The following LDOC1 variants were observed in gnomAD, a reference collection of about 807,000 sequenced individuals.
LDOC1 encodes LDOC1 regulator of NFKB signaling, also known as protein LDOC1.
Under a neutral mutation model 4.9 loss-of-function variants are expected in LDOC1, and 1 was observed. That is an observed-to-expected ratio of 0.20 (90% CI 0.07 to 0.96). LDOC1 has a LOEUF of 0.96. Ranked by LOEUF, LDOC1 falls within the 40% of genes least tolerant of loss-of-function variation. The pLI is 0.62. For synonymous variants in LDOC1, 55 were observed against 58.3 expected (o/e 0.94, Z 0.26); for missense variants, 76 against 128.1 (o/e 0.59, Z 1.96).
At position 141,174,304 on chromosome X, in the gene LDOC1, C is replaced by G. The variant is rs1181629268; in HGVS notation, c.*2277G>C. The stretch of plus-strand genomic sequence containing the variant: ...GCCCCAGATCTCATTTCCACCCAAG[C>G]CTCAGCCTCTTTTATTAAGTCATAC... On this transcript the variant is annotated 3_prime_UTR_variant, in exon 1 of 1. Transcript: ENST00000370526. 4.5e-5 allele frequency among the ~76,000 whole-genome samples: 5 copies of G among 111,130 alleles called. No homozygotes were observed. Among genetic ancestry groups the G allele is most frequent in the African/African-American group, 1.6e-4 (5 of 30,535 alleles).
In LDOC1 at chrX:141,177,099, G is replaced by C. The variant is rs1434646214; in HGVS notation, c.-78C>G. 2 of 982,147 alleles carry C rather than the reference G, an allele frequency of 2.0e-6. No homozygotes were observed. Among genetic ancestry groups the C allele is most frequent in the Non-Finnish European group, 2.7e-6 (2 of 749,705 alleles). The allele number at this position is 982,147 out of a possible 1,213,427, so 80.9% of individuals were successfully genotyped here. A position where few individuals can be genotyped will look rare whatever the true frequency, so the allele number is the denominator to read the frequency against. On this transcript the variant is annotated 5_prime_UTR_variant, in exon 1 of 1. Coordinates refer to ENST00000370526, the MANE Select transcript of LDOC1 (RefSeq NM_012317.4). ...CGCACGGAGCCCTCGCAGGAAGTGCGTGTCCACGGAGGCGCTTGGTGGCCA... is the reference window on the plus strand; with the variant it reads ...CGCACGGAGCCCTCGCAGGAAGTGCCTGTCCACGGAGGCGCTTGGTGGCCA...
At position 141,173,262 on chromosome X, in the gene LDOC1, T is replaced by A. The variant is rs1382227481; in HGVS notation, c.*3319A>T. The A allele has an allele frequency of 8.9e-6, 1 of 112,050 alleles. No individual in the cohort carries two copies. Among genetic ancestry groups the A allele is most frequent in the Non-Finnish European group, 1.9e-5 (1 of 53,256 alleles). 9.2% of individuals were successfully genotyped at this position (112,050 alleles called of 1,213,427 possible). On this transcript the variant is annotated 3_prime_UTR_variant, in exon 1 of 1. Coordinates refer to ENST00000370526, the MANE Select transcript of LDOC1 (RefSeq NM_012317.4). Reference sequence around the variant, plus strand: ...TATTGGTATATTTAATACGATTAAATGATTACGACATTTAATATGACTAAT... The same window carrying A: ...TATTGGTATATTTAATACGATTAAAAGATTACGACATTTAATATGACTAAT...
At position 141,176,826 on chromosome X, in the gene LDOC1, C is replaced by G; in HGVS notation, c.196G>C (p.Glu66Gln). ...TFNGESSRLP[E>Q]FIVQTASYML... ...TAAGACGCCGTCTGCACGATAAACT[C>G]GGGGAGCCGGGAGCTCTCGCCATTA... Residue 66 changes from glutamate to glutamine, a missense_variant, in exon 1 of 1, where the codon GAG becomes CAG. Transcript: ENST00000370526. The G allele has an allele frequency of 8.3e-7, 1 of 1,211,817 alleles. No individual in the cohort carries two copies. The highest frequency in any genetic ancestry group is 1.8e-5 in the South Asian group (1 of 56,970).
chrX:141,176,976 G>A lies in LDOC1; in HGVS notation c.46C>T (p.His16Tyr), dbSNP rs2013623780. 1.7e-6 allele frequency: 2 copies of A among 1,209,805 alleles called. No individual in the cohort carries two copies. Among genetic ancestry groups the A allele is most frequent in the Admixed American group, 4.3e-5 (2 of 46,049 alleles). ...CTGTTCTCGATGCTCAGGGCGCGGTGCCGCATCAGGAGCGCGTGCAGCAGC... is the reference window on the plus strand; with the variant it reads ...CTGTTCTCGATGCTCAGGGCGCGGTACCGCATCAGGAGCGCGTGCAGCAGC... ...VLLLHALLMRHRALSIENSQL... is the reference protein window; with the variant it reads ...VLLLHALLMRYRALSIENSQL... Residue 16 changes from histidine to tyrosine, a missense_variant, in exon 1 of 1, where the codon CAC becomes TAC. His to Tyr is a moderately conservative substitution (Grantham distance 83). Coordinates refer to ENST00000370526, the MANE Select transcript of LDOC1 (RefSeq NM_012317.4).
chrX:141,177,047 T>A lies in LDOC1; in HGVS notation c.-26A>T, dbSNP rs782043984. The stretch of plus-strand genomic sequence containing the variant: ...TGCGAACGGCCTGGAAGGACAGGAC[T>A]CGGCTCGGTTCGGCTCGGCCAAGGT... On this transcript the variant is annotated 5_prime_UTR_variant, in exon 1 of 1. Coordinates refer to ENST00000370526, the MANE Select transcript of LDOC1 (RefSeq NM_012317.4). The A allele has an allele frequency of 1.9e-6, 2 of 1,069,056 alleles. No individual in the cohort carries two copies. The highest frequency in any genetic ancestry group is 4.0e-5 in the South Asian group (2 of 49,464). 88.1% of individuals were successfully genotyped at this position (1,069,056 alleles called of 1,213,427 possible).
Position 141,175,463 on chromosome X carries a change from A to G in LDOC1, c.*1118T>C, listed in dbSNP as rs1556283013. ...AGGTTTACGCCTATTGTTATGGTCT[A>G]ATTATTAATACTGCTCTCTTTGCCG... On this transcript the variant is annotated 3_prime_UTR_variant, in exon 1 of 1. Transcript: ENST00000370526. Among the ~76,000 whole-genome samples, 3 of 112,062 alleles carry G rather than the reference A, an allele frequency of 2.7e-5. No homozygotes were observed. The highest frequency in any genetic ancestry group is 9.7e-5 in the African/African-American group (3 of 30,777).
rs1050399590 is a variant in LDOC1, at chrX:141,173,596, T to C, written c.*2985A>G. 6 of 111,744 alleles carry C rather than the reference T, an allele frequency of 5.4e-5. No individual in the cohort carries two copies. Among genetic ancestry groups the C allele is most frequent in the Admixed American group, 9.5e-5 (1 of 10,476 alleles). The allele number at this position is 111,744 out of a possible 1,213,427, so 9.2% of individuals were successfully genotyped here. On this transcript the variant is annotated 3_prime_UTR_variant, in exon 1 of 1. Coordinates refer to ENST00000370526, the MANE Select transcript of LDOC1 (RefSeq NM_012317.4). Reference sequence around the variant, plus strand: ...TCTCACAGCATAACCTGTTTGTCCATGATGTAAGAAGGACATCACTTAACA... The same window carrying C: ...TCTCACAGCATAACCTGTTTGTCCACGATGTAAGAAGGACATCACTTAACA...
Position 141,173,373 on chromosome X carries a change from T to C in LDOC1, c.*3208A>G, listed in dbSNP as rs1300393889. 1 of 112,080 alleles carries C rather than the reference T, an allele frequency of 8.9e-6. No homozygotes were observed. The highest frequency in any genetic ancestry group is 1.9e-5 in the Non-Finnish European group (1 of 53,243). 9.2% of individuals were successfully genotyped at this position (112,080 alleles called of 1,213,427 possible). On this transcript the variant is annotated 3_prime_UTR_variant, in exon 1 of 1. Coordinates refer to ENST00000370526, the MANE Select transcript of LDOC1 (RefSeq NM_012317.4). ...AATTCAGGGTCTAAGTTCATATTTA[T>C]TCAGCATTCCTACCTATTTTTAATA...
rs781966986 is a variant in LDOC1 at position 141,175,205 on chromosome X, A to C, written c.*1376T>G. Among the ~76,000 whole-genome samples, 1 of 112,215 alleles carries C rather than the reference A, an allele frequency of 8.9e-6. No individual in the cohort carries two copies. The highest frequency in any genetic ancestry group is 3.2e-5 in the African/African-American group (1 of 30,868). ...ACGAAATGTTTGTTAAGATCAGGCT[A>C]TATCTTTATGGGTGCACTTGCCCAG... On this transcript the variant is annotated 3_prime_UTR_variant, in exon 1 of 1. Transcript: ENST00000370526.
rs1241760531 is a variant in LDOC1 at position 141,174,294 on chromosome X, T to A, written c.*2287A>T. On this transcript the variant is annotated 3_prime_UTR_variant, in exon 1 of 1. Coordinates refer to ENST00000370526, the MANE Select transcript of LDOC1 (RefSeq NM_012317.4). ...TCCCTGAAGAGCCCCAGATCTCATT[T>A]CCACCCAAGCCTCAGCCTCTTTTAT... is the stretch of plus-strand genomic sequence containing the variant. Among the ~76,000 whole-genome samples the A allele has an allele frequency of 9.0e-6, 1 of 111,068 alleles. No homozygotes were observed. Among genetic ancestry groups the A allele is most frequent in the Non-Finnish European group, 1.9e-5 (1 of 53,029 alleles).
rs1556283352 is a variant in LDOC1, at chrX:141,176,324, G to C, written c.*257C>G. 1.2e-5 allele frequency: 5 copies of C among 418,287 alleles called. No individual in the cohort carries two copies. Among genetic ancestry groups the C allele is most frequent in the Non-Finnish European group, 2.1e-5 (5 of 241,287 alleles). 34.5% of individuals were successfully genotyped at this position (418,287 alleles called of 1,213,427 possible). A position where few individuals can be genotyped will look rare whatever the true frequency, so the allele number is the denominator to read the frequency against. ...TAGCAGGGGAGGGATCCCGGGGATG[G>C]CCAGGGTAGATGACACTTCCAAGCA... is the stretch of plus-strand genomic sequence containing the variant. On this transcript the variant is annotated 3_prime_UTR_variant, in exon 1 of 1. Coordinates refer to ENST00000370526, the MANE Select transcript of LDOC1 (RefSeq NM_012317.4).
rs1209690234 is a variant in LDOC1, at chrX:141,173,990, C to G, written c.*2591G>C. Among the ~76,000 whole-genome samples the G allele has an allele frequency of 5.4e-5, 6 of 112,106 alleles. No individual in the cohort carries two copies. Among genetic ancestry groups the G allele is most frequent in the African/African-American group, 1.9e-4 (6 of 30,902 alleles). The stretch of plus-strand genomic sequence containing the variant: ...ATTCAAAGATGTTTCTGTAACTCCA[C>G]TCAGCATAACTGGGCCATAATCAGT... On this transcript the variant is annotated 3_prime_UTR_variant, in exon 1 of 1. Coordinates refer to ENST00000370526, the MANE Select transcript of LDOC1 (RefSeq NM_012317.4).
At position 141,175,320 on chromosome X, in the gene LDOC1, T is replaced by C. The variant is rs1327379859; in HGVS notation, c.*1261A>G. 6.2e-5 allele frequency among the ~76,000 whole-genome samples: 7 copies of C among 112,360 alleles called. No homozygotes were observed. Among genetic ancestry groups the C allele is most frequent in the Admixed American group, 9.4e-5 (1 of 10,587 alleles). On this transcript the variant is annotated 3_prime_UTR_variant, in exon 1 of 1. Transcript: ENST00000370526. ...GTGACAATCTACTATGTTGGCTCTCTGGAGTCTGAACTCAACAGCTGCACA... is the reference window on the plus strand; with the variant it reads ...GTGACAATCTACTATGTTGGCTCTCCGGAGTCTGAACTCAACAGCTGCACA...
rs1359817026 is a variant in LDOC1 at position 141,174,184 on chromosome X, T to C, written c.*2397A>G. 9.0e-6 allele frequency among the ~76,000 whole-genome samples: 1 copy of C among 111,618 alleles called. No homozygotes were observed. The highest frequency in any genetic ancestry group is 1.9e-5 in the Non-Finnish European group (1 of 53,150). On this transcript the variant is annotated 3_prime_UTR_variant, in exon 1 of 1. Transcript: ENST00000370526. ...AATCTCTCTCTTCCAAGGGGTTTTG[T>C]ATATTTTCCAAGGAGACTGGGAGAA...
Position 141,177,116 on chromosome X carries a change from T to A in LDOC1, c.-95A>T. ...GGAAGTGCGTGTCCACGGAGGCGCT[T>A]GGTGGCCAGGGGCGGGGGGCGGGGG... On this transcript the variant is annotated 5_prime_UTR_variant, in exon 1 of 1. Transcript: ENST00000370526. The A allele has an allele frequency of 4.2e-6, 1 of 237,952 alleles. No individual in the cohort carries two copies. Among genetic ancestry groups the A allele is most frequent in the Non-Finnish European group, 6.5e-6 (1 of 154,897 alleles). The allele number at this position is 237,952 out of a possible 1,213,427, so 19.6% of individuals were successfully genotyped here.
chrX:141,175,742 T>A lies in LDOC1; in HGVS notation c.*839A>T, dbSNP rs2013608162. 1 of 112,397 alleles carries A rather than the reference T, an allele frequency of 8.9e-6. No individual in the cohort carries two copies. Among genetic ancestry groups the A allele is most frequent in the African/African-American group, 3.2e-5 (1 of 30,822 alleles). The allele number at this position is 112,397 out of a possible 1,213,427, so 9.3% of individuals were successfully genotyped here. A position where few individuals can be genotyped will look rare whatever the true frequency, so the allele number is the denominator to read the frequency against. On this transcript the variant is annotated 3_prime_UTR_variant, in exon 1 of 1. Coordinates refer to ENST00000370526, the MANE Select transcript of LDOC1 (RefSeq NM_012317.4). ...ATAGCACTTAACCATTAAAAGACAA[T>A]CATTTCTTTTTTTAGTGCTTGATAT...
At position 141,176,560 on chromosome X, in the gene LDOC1, C is replaced by T; in HGVS notation, c.*21G>A. ...TGGCGGCGTGCAGGGCCCTCCCCCC[C>T]GAGGCCCGAGGGTCGAGGGCCTAAT... On this transcript the variant is annotated 3_prime_UTR_variant, in exon 1 of 1. Coordinates refer to ENST00000370526, the MANE Select transcript of LDOC1 (RefSeq NM_012317.4). 1.7e-6 allele frequency: 2 copies of T among 1,183,965 alleles called. No homozygotes were observed. Among genetic ancestry groups the T allele is most frequent in the Non-Finnish European group, 2.3e-6 (2 of 879,295 alleles).
Position 141,176,546 on chromosome X carries a change from A to G in LDOC1, c.*35T>C. ...CTGCGGGGAGGGGGTGGCGGCGTGC[A>G]GGGCCCTCCCCCCCGAGGCCCGAGG... On this transcript the variant is annotated 3_prime_UTR_variant, in exon 1 of 1. Coordinates refer to ENST00000370526, the MANE Select transcript of LDOC1 (RefSeq NM_012317.4). The G allele has an allele frequency of 1.7e-6, 2 of 1,170,466 alleles. No homozygotes were observed. Among genetic ancestry groups the G allele is most frequent in the Non-Finnish European group, 2.3e-6 (2 of 872,790 alleles).
Position 141,176,625 on chromosome X carries a change from C to T in LDOC1, c.397G>A (p.Asp133Asn). 1 of 1,211,347 alleles carries T rather than the reference C, an allele frequency of 8.3e-7. No individual in the cohort carries two copies. Among genetic ancestry groups the T allele is most frequent in the Non-Finnish European group, 1.1e-6 (1 of 895,111 alleles). Residue 133 changes from aspartate (D) to asparagine (N), a missense_variant, in exon 1 of 1, where the codon GAC (aspartate) becomes AAC (asparagine). Transcript: ENST00000370526. The part of the protein sequence containing the change: ...DEMKQCFGWD[D>N]DEDDDDEEEE... ...TCTTCGTCGTCGTCGTCTTCGTCGT[C>T]ATCCCAGCCAAAGCACTGTTTCATC...
Sources: gnomAD v4.1 joint callset for allele counts (sites outside exome capture counted in the v4.1 genomes callset) on GRCh38, gnomAD v4.1.1 for gene constraint, MANE v1.5 for transcripts, NCBI Gene and HGNC (gene_info 2026-07-23, HGNC 2026-07-21) for gene names.